Variants in SLC30A6 observed in about 807,000 individuals in gnomAD.
The protein encoded by SLC30A6 is solute carrier family 30 member 6.
In SLC30A6, 55 loss-of-function variants were observed where a neutral mutation model predicts 63.0. The ratio of observed to expected loss-of-function variants is 0.87; its 90% CI spans 0.70 to 1.09. SLC30A6 has a LOEUF of 1.09. SLC30A6 is among the 50% of genes least tolerant of loss of function. SLC30A6 has a pLI of 0.00. For missense variants in SLC30A6, 587 were observed against 549.2 expected, an observed-to-expected ratio of 1.07 and a Z score of -0.69; for synonymous variants, 224 against 186.1, an observed-to-expected ratio of 1.20 and a Z score of -1.66.
At chr2:32,211,880 A>C (rs532580445) in intron 13 of SLC30A6, among the ~76,000 whole-genome samples, 1 of 152,158 alleles carries the variant, frequency 6.6e-6, no homozygotes, top group African/African-American at 2.4e-5. Flanking sequence ...TTGGCCTCCC[A>C]AAGTGTTGGG....
At chr2:32,180,375 G>A (rs1447085567) in intron 4 of SLC30A6, among the ~76,000 whole-genome samples, 3 of 150,450 alleles carry the variant, frequency 2.0e-5, no homozygotes, top group Non-Finnish European at 2.9e-5. Flanking sequence ...CTGTAATCCA[G>A]TCTTGGGTCT....
intron 2 of SLC30A6, among the ~76,000 whole-genome samples, chr2:32,171,645 T>G (rs1681222202): frequency 6.6e-6 from 1 of 152,042 alleles, no homozygotes; most frequent in African/African-American, 2.4e-5. Context: ...GTTATTAAGT[T>G]TTCAAAAAAT....
At chr2:32,205,659 C>CTTTT (rs1478767845) in intron 11 of SLC30A6, among the ~76,000 whole-genome samples, 2 of 97,702 alleles carry the variant, frequency 2.0e-5, no homozygotes, top group African/African-American at 3.9e-5. Flanking sequence ...AAGAATGTTA[C>CTTTT]TTCTTTTTTT....
At chr2:32,208,111 T>G (rs559080602) in intron 12 of SLC30A6, among the ~76,000 whole-genome samples, 1 of 150,690 alleles carries the variant, frequency 6.6e-6, no homozygotes, top group African/African-American at 2.4e-5. Flanking sequence ...GGATTATAGG[T>G]GTGAGCCACC....
At chr2:32,182,523 C>G (rs1322557737) in intron 4 of SLC30A6, among the ~76,000 whole-genome samples, 1 of 152,110 alleles carries the variant, frequency 6.6e-6, no homozygotes, top group African/African-American at 2.4e-5. Flanking sequence ...ATACTTAATT[C>G]TACAGATTCA....
chr2:32,174,646 C>G (rs948120015), intron 3 of SLC30A6, among the ~76,000 whole-genome samples: 2 of 150,890 alleles, frequency 1.3e-5, no homozygotes, highest in Non-Finnish European at 2.9e-5. Flanking sequence ...CTCCACCTCC[C>G]TGGTTCAAGC....
At chr2:32,184,713 C>T (rs149930303) in intron 5 of SLC30A6, among the ~76,000 whole-genome samples, 2 of 152,154 alleles carry the variant, frequency 1.3e-5, no homozygotes, top group East Asian at 3.9e-4. Flanking sequence ...TGCAGTGAGC[C>T]GAGATCATGC....
intron 10 of SLC30A6, chr2:32,203,413 T>C: frequency 7.5e-7 from 1 of 1,339,766 alleles, no homozygotes; most frequent in Non-Finnish European, 1.1e-6. Context: ...CTTCTGTTTC[T>C]TATGCTGCTG....
intron 1 of SLC30A6, among the ~76,000 whole-genome samples, chr2:32,167,235 C>T (rs1300805033): frequency 1.3e-5 from 2 of 152,134 alleles, no homozygotes; most frequent in Non-Finnish European, 2.9e-5. Flanking sequence ...GCCACCACGC[C>T]TGGCTAATTT....
At chr2:32,212,583 CTTTTTTTTTT>C (rs1193348947) in intron 13 of SLC30A6, among the ~76,000 whole-genome samples, 2 of 83,022 alleles carry the variant, frequency 2.4e-5, no homozygotes, top group African/African-American at 5.1e-5. Flanking sequence ...CCATTTTTAC[CTTTTTTTTTT>C]TTTTTTTTTT....
intron 13 of SLC30A6, among the ~76,000 whole-genome samples, chr2:32,213,045 A>G (rs1399302177): frequency 1.3e-5 from 2 of 151,844 alleles, no homozygotes; most frequent in Non-Finnish European, 2.9e-5. Context: ...AGCTGGGATT[A>G]CAGGTACACG....
At chr2:32,187,145 C>T (rs1450687147) in intron 5 of SLC30A6, 2 of 468,736 alleles carry the variant, frequency 4.3e-6, no homozygotes, top group African/African-American at 4.0e-5. Flanking sequence ...ATTTTTTTGC[C>T]TCCCAGGCCT....
intron 12 of SLC30A6, 59 bp downstream of exon 12, chr2:32,206,992 A>T: frequency 1.6e-6 from 2 of 1,281,616 alleles, no homozygotes. Context: ...GAAAAGGTGG[A>T]TACTTTTAAT....
At chr2:32,214,340 G>A (rs1685521055) in intron 13 of SLC30A6, 1 of 151,936 alleles carries the variant, frequency 6.6e-6, no homozygotes, top group African/African-American at 2.4e-5. Flanking sequence ...CATTTTTATG[G>A]CTTTTGATGC....
At chr2:32,212,936 C>T (rs1360362577) in intron 13 of SLC30A6, among the ~76,000 whole-genome samples, 2 of 144,468 alleles carry the variant, frequency 1.4e-5, no homozygotes, top group East Asian at 4.0e-4. Flanking sequence ...AGACAGCGTC[C>T]TGCCCTGTCA....
intron 8 of SLC30A6, among the ~76,000 whole-genome samples, chr2:32,195,814 C>T (rs982938001): frequency 3.9e-5 from 6 of 151,958 alleles, no homozygotes; most frequent in East Asian, 3.9e-4. Flanking sequence ...AGTGCTGGGA[C>T]GACAGGCGTG....
rs189965966 is a variant in SLC30A6 at position 32,204,947 on chromosome 2, A to G, written c.768+255A>G. Among the ~76,000 whole-genome samples the G allele has an allele frequency of 6.6e-5, 10 of 151,634 alleles. No individual in the cohort carries two copies. In the East Asian group the frequency reaches 1.7e-3, roughly 26 times the overall value. On this transcript the variant is annotated intron_variant, in intron 11 of 13. Transcript: ENST00000282587. The stretch of plus-strand genomic sequence containing the variant: ...TCCCACCTCAGTCTCCTGAGTAACA[A>G]ACTACAGGCACACACCACCACACCC...
At chr2:32,206,772 C>G (rs1390117289) in intron 11 of SLC30A6, 114 bp from the exon 12 acceptor site, 6 of 767,172 alleles carry the variant, frequency 7.8e-6, no homozygotes, top group Non-Finnish European at 1.4e-5. Flanking sequence ...CATGATAGGA[C>G]AGCTGTCAAA....
chr2:32,206,180 C>G (rs1481948971), intron 11 of SLC30A6, among the ~76,000 whole-genome samples: 3 of 151,666 alleles, frequency 2.0e-5, no homozygotes, highest in Non-Finnish European at 4.4e-5. Context: ...GGCGCGGTGG[C>G]TCATGCCTGT....
Sources: allele counts gnomAD v4.1 joint callset (sites outside exome capture counted in the v4.1 genomes callset), GRCh38; gene constraint gnomAD v4.1.1; transcripts MANE v1.5; gene names NCBI Gene and HGNC (gene_info 2026-07-23, HGNC 2026-07-21).